The following ADGRB3 variants were observed in gnomAD, a reference collection of about 807,000 sequenced individuals.
ADGRB3 encodes the protein brain-specific angiogenesis inhibitor 3.
ADGRB3 carries 37 observed loss-of-function variants against 193.4 expected under a neutral mutation model. The observed-to-expected ratio is 0.19, with a 90% CI of 0.15 to 0.25. The LOEUF (loss-of-function observed/expected upper bound fraction) is 0.25. ADGRB3 is among the 10% of genes least tolerant of loss of function. The pLI is 1.00. For missense variants in ADGRB3, 1,637 were observed against 1,852.9 expected (o/e 0.88, Z 2.14); for synonymous variants, 690 against 644.2 (o/e 1.07, Z -1.08).
At chr6:69,132,355 T>C (rs1441642632) in intron 17 of ADGRB3, among the ~76,000 whole-genome samples, 1 of 152,226 alleles carries the variant, frequency 6.6e-6, no homozygotes, top group African/African-American at 2.4e-5. Flanking sequence ...TGGTTTTGAT[T>C]TGCATTTCTC....
chr6:68,767,704 G>C (rs1157542273), intron 3 of ADGRB3, among the ~76,000 whole-genome samples: 2 of 152,128 alleles, frequency 1.3e-5, no homozygotes, highest in Non-Finnish European at 2.9e-5. Context: ...AATCAGGCAA[G>C]AGAAAGAAAT....
chr6:68,785,575 GT>G (rs1178131512), intron 3 of ADGRB3, among the ~76,000 whole-genome samples: 1 of 151,906 alleles, frequency 6.6e-6, no homozygotes. Context: ...ATTTGAGTTG[GT>G]TCCAAGTCTT....
chr6:69,033,247 G>C (rs892885893), intron 13 of ADGRB3, among the ~76,000 whole-genome samples: 1 of 152,092 alleles, frequency 6.6e-6, no homozygotes, highest in African/African-American at 2.4e-5. Context: ...TTGGCATTTT[G>C]CTATCTTAAA....
intron 3 of ADGRB3, among the ~76,000 whole-genome samples, chr6:68,848,555 A>G (rs933060317): frequency 1.3e-5 from 2 of 152,044 alleles, no homozygotes; most frequent in South Asian, 2.1e-4. Context: ...TGTTCTATTT[A>G]GTTTTTTAAA....
Position 68,678,144 on chromosome 6 carries a change from G to A in ADGRB3, c.757+38712G>A, listed in dbSNP as rs1764801511. Among the ~76,000 whole-genome samples, 3 of 151,968 alleles carry A rather than the reference G, an allele frequency of 2.0e-5. No individual in the cohort carries two copies. The South Asian group carries it at 6.2e-4, about 32-fold the overall frequency. On this transcript the variant is annotated intron_variant, in intron 3 of 31. Transcript: ENST00000370598. ...ATTTAAAATACACTTTCAGGGCCTG[G>A]GTACTGTGGCTCATGCTTGTAATCC...
At chr6:69,226,839 A>G (rs978448484) in intron 17 of ADGRB3, among the ~76,000 whole-genome samples, 1 of 152,224 alleles carries the variant, frequency 6.6e-6, no homozygotes, top group Admixed American at 6.5e-5. Context: ...CAGTAGGGCT[A>G]GCCTGAGCTA....
intron 11 of ADGRB3, among the ~76,000 whole-genome samples, chr6:69,007,651 A>G (rs544208811): frequency 4.0e-5 from 6 of 148,986 alleles, no homozygotes; most frequent in South Asian, 2.1e-4. Context: ...CCTGATGACT[A>G]TCTAATCTAA....
chr6:68,778,297 A>C (rs1766789419), intron 3 of ADGRB3, among the ~76,000 whole-genome samples: 1 of 152,052 alleles, frequency 6.6e-6, no homozygotes, highest in Non-Finnish European at 1.5e-5. Flanking sequence ...CATATACCTT[A>C]TGTTGTTGGA....
chr6:69,182,513 C>T (rs1775613936), intron 17 of ADGRB3, among the ~76,000 whole-genome samples: 1 of 151,040 alleles, frequency 6.6e-6, no homozygotes, highest in South Asian at 2.1e-4. Context: ...TCTGAGTTGT[C>T]ATTCAGTGAT....
At position 69,365,723 on chromosome 6, in the gene ADGRB3, A is replaced by G. The variant is rs185920012; in HGVS notation, c.4239+4211A>G. ...AAGTCTCTCTCAATTTGTAATGGCC[A>G]GAAAGGACACCATTCTAGGCTAAAT... On this transcript the variant is annotated intron_variant, in intron 29 of 31. Coordinates refer to ENST00000370598, the MANE Select transcript of ADGRB3 (RefSeq NM_001704.3). 1.5e-3 allele frequency among the ~76,000 whole-genome samples: 226 copies of G among 152,220 alleles called. 1 individual carries two copies. Among genetic ancestry groups the G allele is most frequent in the Non-Finnish European group, 9.1e-4 (62 of 67,976 alleles).
At chr6:69,269,463 T>G (rs1305656694) in intron 20 of ADGRB3, among the ~76,000 whole-genome samples, 1 of 152,216 alleles carries the variant, frequency 6.6e-6, no homozygotes, top group African/African-American at 2.4e-5. Context: ...GGTTTGTGCT[T>G]GTAGTTGCAT....
intron 3 of ADGRB3, among the ~76,000 whole-genome samples, chr6:68,749,424 G>T (rs910390076): frequency 6.6e-6 from 1 of 151,088 alleles, no homozygotes; most frequent in Non-Finnish European, 1.5e-5. Flanking sequence ...GTGTGTGTGT[G>T]TGTGTGTGTG....
intron 3 of ADGRB3, among the ~76,000 whole-genome samples, chr6:68,663,727 G>A (rs1768729562): frequency 6.6e-6 from 1 of 151,842 alleles, no homozygotes; most frequent in South Asian, 2.1e-4. Context: ...CTATCAATGA[G>A]CAAGTTGCCT....
chr6:68,861,509 C>G (rs1197295411), intron 3 of ADGRB3, among the ~76,000 whole-genome samples: 1 of 152,046 alleles, frequency 6.6e-6, no homozygotes, highest in Admixed American at 6.6e-5. Flanking sequence ...TTGCAGTGAG[C>G]CGAGATCGCG....
rs1244269120 is a variant in ADGRB3, at chr6:69,112,323, C to A, written c.2480+36285C>A. On this transcript the variant is annotated intron_variant, in intron 17 of 31. Coordinates refer to ENST00000370598, the MANE Select transcript of ADGRB3 (RefSeq NM_001704.3). Reference sequence around the variant, plus strand: ...AAAATAAGTGGAGGATAAACAGTTTCTTTTAGGAATTATGGTTTGATAATT... The same window carrying A: ...AAAATAAGTGGAGGATAAACAGTTTATTTTAGGAATTATGGTTTGATAATT... Among the ~76,000 whole-genome samples, 3 of 152,124 alleles carry A rather than the reference C, an allele frequency of 2.0e-5. 1 individual carries two copies. The highest frequency in any genetic ancestry group is 4.1e-4 in the South Asian group (2 of 4,830).
intron 17 of ADGRB3, among the ~76,000 whole-genome samples, chr6:69,181,983 A>G (rs578193703): frequency 1.7e-4 from 26 of 152,320 alleles, no homozygotes; most frequent in Non-Finnish European, 2.5e-4. Context: ...AGTAGTTCCA[A>G]TGAGAGGACC....
intron 24 of ADGRB3, among the ~76,000 whole-genome samples, chr6:69,334,026 G>A (rs1174259222): frequency 1.3e-5 from 2 of 149,514 alleles, no homozygotes; most frequent in Non-Finnish European, 3.0e-5. Context: ...TAAAAAATAT[G>A]TATATATAAT....
intron 3 of ADGRB3, among the ~76,000 whole-genome samples, chr6:68,731,833 A>T (rs557032298): frequency 6.6e-6 from 1 of 151,708 alleles, no homozygotes; most frequent in Non-Finnish European, 1.5e-5. Context: ...ACTGTACAAA[A>T]ATGTATAATT....
intron 3 of ADGRB3, among the ~76,000 whole-genome samples, chr6:68,775,386 G>A (rs988420776): frequency 1.3e-5 from 2 of 152,182 alleles, no homozygotes; most frequent in African/African-American, 2.4e-5. Context: ...GTCACTAGAC[G>A]TGGTTATAGA....
Sources: gnomAD v4.1 joint callset for allele counts (sites outside exome capture counted in the v4.1 genomes callset) on GRCh38, gnomAD v4.1.1 for gene constraint, MANE v1.5 for transcripts, NCBI Gene and HGNC (gene_info 2026-07-23, HGNC 2026-07-21) for gene names.